The following SWT1 variants were observed in gnomAD, a reference collection of about 807,000 sequenced individuals.
The protein encoded by SWT1 is transcriptional protein SWT1.
Under a neutral mutation model 107.3 loss-of-function variants are expected in SWT1, and 33 were observed. The observed-to-expected ratio is 0.31, with a 90% confidence interval of 0.23 to 0.41. SWT1 has a LOEUF of 0.41. Ranked by LOEUF, SWT1 falls within the 10% of genes least tolerant of loss-of-function variation. SWT1 has a pLI of 1.00. For synonymous variants in SWT1, 345 were observed against 348.3 expected (o/e 0.99, Z 0.11); for missense variants, 898 against 1,028.9 (o/e 0.87, Z 1.74).
intron 5 of SWT1, among the ~76,000 whole-genome samples, chr1:185,175,354 G>C (rs1655455231): frequency 6.6e-6 from 1 of 151,968 alleles, no homozygotes; most frequent in Non-Finnish European, 1.5e-5. Flanking sequence ...AGCCTCCCTA[G>C]TAGCTGGGAC....
intron 13 of SWT1, among the ~76,000 whole-genome samples, chr1:185,214,061 A>G (rs1310340778): frequency 6.6e-6 from 1 of 152,140 alleles, no homozygotes; most frequent in African/African-American, 2.4e-5. Flanking sequence ...ATAAATCACT[A>G]TGTAGATAGC....
intron 1 of SWT1, among the ~76,000 whole-genome samples, chr1:185,159,851 A>G (rs1172023095): frequency 6.6e-6 from 1 of 152,024 alleles, no homozygotes; most frequent in Non-Finnish European, 1.5e-5. Flanking sequence ...CAGCCTCCTG[A>G]GTAGCTGGGA....
intron 14 of SWT1, 76 bp downstream of exon 14, chr1:185,214,731 G>C: frequency 8.3e-7 from 1 of 1,207,780 alleles, no homozygotes; most frequent in South Asian, 1.6e-5. Context: ...GACAACAGTA[G>C]GTAAAGGATA....
At chr1:185,227,763 G>C (rs975637255) in intron 15 of SWT1, 2 of 412,048 alleles carry the variant, frequency 4.9e-6, no homozygotes, top group African/African-American at 2.1e-5. Flanking sequence ...CAGCTCTAGC[G>C]GGGGAGAAAG....
intron 15 of SWT1, among the ~76,000 whole-genome samples, chr1:185,226,397 T>C (rs1660058551): frequency 6.6e-6 from 1 of 152,302 alleles, no homozygotes; most frequent in African/African-American, 2.4e-5. Context: ...AAGATGCTTA[T>C]TTGGAAGTCT....
chr1:185,217,017 T>A lies in SWT1; in HGVS notation c.2121+2362T>A, dbSNP rs117439521. On this transcript the variant is annotated intron_variant, in intron 14 of 18. Coordinates refer to ENST00000367500, the MANE Select transcript of SWT1 (RefSeq NM_017673.7). ...TTGTTAATAAATTATTTATTTCTGG[T>A]TCTTAAGTTTCATTTGCTACGTTAG... Among the ~76,000 whole-genome samples, 885 of 151,796 alleles carry A rather than the reference T, an allele frequency of 5.8e-3. 33 individuals are homozygous for A. The East Asian group carries it at 0.094, about 16-fold the overall frequency.
chr1:185,230,478 G>A (rs1485126320), intron 15 of SWT1, among the ~76,000 whole-genome samples: 3 of 152,016 alleles, frequency 2.0e-5, no homozygotes, highest in African/African-American at 4.8e-5. Flanking sequence ...TCTTCACATG[G>A]AGTAGGGCCC....
chr1:185,281,164 T>C, intron 18 of SWT1: 2 of 233,300 alleles, frequency 8.6e-6, no homozygotes, highest in African/African-American at 2.3e-5. Flanking sequence ...GGCCATAAAC[T>C]TTACAAGAAT....
intron 18 of SWT1, among the ~76,000 whole-genome samples, chr1:185,283,793 C>T (rs1387874992): frequency 6.6e-6 from 1 of 152,108 alleles, no homozygotes. Context: ...CACATTTTAG[C>T]ATATATCAAT....
chr1:185,205,248 A>G (rs1658241015), intron 12 of SWT1, among the ~76,000 whole-genome samples: 1 of 152,202 alleles, frequency 6.6e-6, no homozygotes, highest in African/African-American at 2.4e-5. Context: ...TGCCATGTAA[A>G]TGTAAGAATC....
chr1:185,160,761 C>G (rs1297121619), intron 1 of SWT1, 72 bp from the exon 2 acceptor site: 1 of 1,110,198 alleles, frequency 9.0e-7, no homozygotes, highest in African/African-American at 1.6e-5. Flanking sequence ...CTTTATATAA[C>G]TGAAAGAAGA....
chr1:185,247,131 A>G (rs1264483818), intron 16 of SWT1, among the ~76,000 whole-genome samples: 1 of 152,186 alleles, frequency 6.6e-6, no homozygotes, highest in Non-Finnish European at 1.5e-5. Flanking sequence ...TAATTCAATA[A>G]GTAATATAAT....
At chr1:185,258,876 A>C (rs931312059) in intron 16 of SWT1, among the ~76,000 whole-genome samples, 9 of 151,706 alleles carry the variant, frequency 5.9e-5, no homozygotes, top group African/African-American at 2.2e-4. Flanking sequence ...CTCACTCCTC[A>C]CCTCTCCAAA....
chr1:185,160,284 G>A (rs1571377147), intron 1 of SWT1, among the ~76,000 whole-genome samples: 1 of 152,120 alleles, frequency 6.6e-6, no homozygotes, highest in Non-Finnish European at 1.5e-5. Flanking sequence ...ATCAAGGCAT[G>A]GTTTGAGACT....
chr1:185,163,831 C>T (rs1199470566), intron 2 of SWT1, among the ~76,000 whole-genome samples: 1 of 152,208 alleles, frequency 6.6e-6, no homozygotes, highest in Non-Finnish European at 1.5e-5. Context: ...TTGGAATCAA[C>T]TTTTCCAAAC....
chr1:185,199,228 G>A (rs1237846398), intron 10 of SWT1, among the ~76,000 whole-genome samples: 2 of 152,106 alleles, frequency 1.3e-5, no homozygotes, highest in South Asian at 2.1e-4. Context: ...GAGCCACCAC[G>A]CCTGGCCTAG....
intron 16 of SWT1, among the ~76,000 whole-genome samples, chr1:185,255,231 T>C (rs1431668660): frequency 6.6e-6 from 1 of 151,922 alleles, no homozygotes; most frequent in Non-Finnish European, 1.5e-5. Flanking sequence ...AGGTGTGGTG[T>C]GGTGCTGAAA....
At chr1:185,264,278 C>T in intron 16 of SWT1, 1 of 876,536 alleles carries the variant, frequency 1.1e-6, no homozygotes. Flanking sequence ...TTTCATTTTT[C>T]TTGATTTCTC....
At chr1:185,252,194 G>T (rs1032807580) in intron 16 of SWT1, among the ~76,000 whole-genome samples, 1 of 152,088 alleles carries the variant, frequency 6.6e-6, no homozygotes, top group Non-Finnish European at 1.5e-5. Context: ...GTGGACATTT[G>T]GGTTGGTTCC....
Sources: allele counts gnomAD v4.1 joint callset (sites outside exome capture counted in the v4.1 genomes callset), GRCh38; gene constraint gnomAD v4.1.1; transcripts MANE v1.5; gene names NCBI Gene and HGNC (gene_info 2026-07-23, HGNC 2026-07-21).